Variants in MGAT4C observed in about 807,000 individuals in gnomAD.
MGAT4C encodes the protein MGAT4 family member C.
Under a neutral mutation model 40.1 loss-of-function variants are expected in MGAT4C, and 19 were observed. The ratio of observed to expected loss-of-function variants is 0.47; its 90% confidence interval spans 0.33 to 0.70. MGAT4C has a LOEUF of 0.70. MGAT4C is among the 30% of genes least tolerant of loss of function. The pLI, the probability that MGAT4C is intolerant of heterozygous loss-of-function variation, is 0.02. For synonymous variants in MGAT4C, 181 were observed against 187.1 expected, an observed-to-expected ratio of 0.97 and a Z score of 0.27; for missense variants, 491 against 563.2, an observed-to-expected ratio of 0.87 and a Z score of 1.30.
chr12:86,759,550 A>G (rs140327396), intron 1 of MGAT4C, among the ~76,000 whole-genome samples: 1 of 152,144 alleles, frequency 6.6e-6, no homozygotes, highest in East Asian at 1.9e-4. Flanking sequence ...AACACTTGCT[A>G]TCTTTTATTT....
intron 2 of MGAT4C, among the ~76,000 whole-genome samples, chr12:86,648,155 T>G (rs990606770): frequency 1.3e-5 from 2 of 151,904 alleles, no homozygotes; most frequent in African/African-American, 4.8e-5. Context: ...ATTCAATTAT[T>G]TGTATTATAT....
intron 1 of MGAT4C, among the ~76,000 whole-genome samples, chr12:86,810,677 C>T (rs189372485): frequency 3.7e-4 from 56 of 150,918 alleles, no homozygotes; most frequent in African/African-American, 1.3e-3. Flanking sequence ...GAAATAAATC[C>T]CACTTGATCA....
At chr12:86,781,554 G>T (rs529267620) in intron 1 of MGAT4C, among the ~76,000 whole-genome samples, 1 of 152,014 alleles carries the variant, frequency 6.6e-6, no homozygotes, top group South Asian at 2.1e-4. Context: ...TTGAGTAAAT[G>T]ATATTAAAAT....
intron 1 of MGAT4C, among the ~76,000 whole-genome samples, chr12:86,212,105 T>C (rs1172436772): frequency 6.6e-6 from 1 of 152,206 alleles, no homozygotes; most frequent in Admixed American, 6.5e-5. Flanking sequence ...TCATCATTAC[T>C]TTATGGCTGG....
intron 3 of MGAT4C, among the ~76,000 whole-genome samples, chr12:86,431,962 G>A (rs1317675522): frequency 2.0e-5 from 3 of 152,100 alleles, no homozygotes; most frequent in African/African-American, 7.2e-5. Context: ...GAGACAGAGA[G>A]AGAGAGAGAG....
At chr12:86,664,009 A>AAAT (rs1260949167) in intron 2 of MGAT4C, among the ~76,000 whole-genome samples, 1 of 152,026 alleles carries the variant, frequency 6.6e-6, no homozygotes, top group Admixed American at 6.6e-5. Context: ...CTATTTTATT[A>AAAT]CCTTTTGGGA....
At chr12:86,760,218 G>T (rs1951377064) in intron 1 of MGAT4C, among the ~76,000 whole-genome samples, 1 of 152,050 alleles carries the variant, frequency 6.6e-6, no homozygotes, top group Non-Finnish European at 1.5e-5. Flanking sequence ...TATATACACA[G>T]CAGAAGAATG....
At chr12:86,227,569 C>T (rs1994863) in intron 1 of MGAT4C, among the ~76,000 whole-genome samples, 132,042 of 151,914 alleles carry the variant, frequency 0.87, 57,586 homozygotes, top group African/African-American at 0.94. Flanking sequence ...ACGTATAAAA[C>T]ACATTTTCAT....
At chr12:86,071,317 A>T (rs531837110) in intron 1 of MGAT4C, among the ~76,000 whole-genome samples, 19 of 152,106 alleles carry the variant, frequency 1.2e-4, no homozygotes, top group African/African-American at 3.9e-4. Context: ...ACTAGAAACC[A>T]AATCCAGAGG....
At chr12:86,101,814 G>A (rs1329932457) in intron 1 of MGAT4C, among the ~76,000 whole-genome samples, 1 of 151,926 alleles carries the variant, frequency 6.6e-6, no homozygotes, top group East Asian at 1.9e-4. Flanking sequence ...ATGAGAATGT[G>A]TATGCATACA....
At chr12:86,771,708 GTGTGTGTGTGTGTGTA>G (rs1030975547) in intron 1 of MGAT4C, among the ~76,000 whole-genome samples, 1 of 150,192 alleles carries the variant, frequency 6.7e-6, no homozygotes. Context: ...GTGTGTGTGT[GTGTGTGTGTGTGTGTA>G]TGTGTGTGTG....
chr12:86,741,780 C>A (rs1022060753), intron 1 of MGAT4C, among the ~76,000 whole-genome samples: 1 of 151,332 alleles, frequency 6.6e-6, no homozygotes, highest in Non-Finnish European at 1.5e-5. Context: ...TCTAAGGACT[C>A]TTCTAATCCT....
At chr12:86,495,734 C>A (rs899066206) in intron 2 of MGAT4C, among the ~76,000 whole-genome samples, 7 of 152,010 alleles carry the variant, frequency 4.6e-5, no homozygotes, top group East Asian at 3.9e-4. Context: ...GAGAAATTGA[C>A]CCTCCATGTC....
intron 4 of MGAT4C, among the ~76,000 whole-genome samples, chr12:86,295,549 G>A (rs1035844981): frequency 3.9e-5 from 6 of 152,092 alleles, no homozygotes; most frequent in Admixed American, 6.5e-5. Context: ...TGCAAAGAGC[G>A]AAACAACAAT....
At chr12:86,141,968 C>G (rs839183) in intron 1 of MGAT4C, among the ~76,000 whole-genome samples, 134,602 of 152,072 alleles carry the variant, frequency 0.89, 59,799 homozygotes, top group East Asian at 1. Context: ...AGGAGAGTTA[C>G]TGTCCTTTTC....
At chr12:85,998,902 C>T (rs370332405) in intron 2 of MGAT4C, among the ~76,000 whole-genome samples, 13 of 152,112 alleles carry the variant, frequency 8.5e-5, no homozygotes, top group African/African-American at 2.9e-4. Flanking sequence ...TTTTCAGCAG[C>T]GCTCCCCACT....
At chr12:86,260,565 T>TTTCC (rs1316860046), upstream of MGAT4C, among the ~76,000 whole-genome samples, 2 of 152,134 alleles carry the variant, frequency 1.3e-5, no homozygotes, top group Non-Finnish European at 2.9e-5. Context: ...GTAAGGTGTG[T>TTTCC]TTCCATAGGA....
intron 2 of MGAT4C, among the ~76,000 whole-genome samples, chr12:86,022,750 C>A (rs979552145): frequency 6.6e-6 from 1 of 151,942 alleles, no homozygotes; most frequent in Non-Finnish European, 1.5e-5. Flanking sequence ...ATGTCTAGTG[C>A]AAGGCAAAAG....
chr12:86,335,295 A>G (rs189796382), intron 3 of MGAT4C, among the ~76,000 whole-genome samples: 1 of 152,166 alleles, frequency 6.6e-6, no homozygotes, highest in Non-Finnish European at 1.5e-5. Flanking sequence ...TACCCCTTTG[A>G]GATGTAAATC....
Sources: allele counts gnomAD v4.1 joint callset (sites outside exome capture counted in the v4.1 genomes callset), GRCh38; gene constraint gnomAD v4.1.1; transcripts MANE v1.5; gene names NCBI Gene and HGNC (gene_info 2026-07-23, HGNC 2026-07-21).